The following NOX4 variants were observed in gnomAD, a reference collection of about 807,000 sequenced individuals.
NOX4 encodes kidney oxidase-1.
NOX4 carries 69 observed loss-of-function variants against 87.6 expected under a neutral mutation model. That is an observed-to-expected ratio of 0.79 (90% CI 0.65 to 0.96). The LOEUF (loss-of-function observed/expected upper bound fraction) is 0.96, where lower values mean the gene tolerates loss of function less well. NOX4 is among the 40% of genes least tolerant of loss of function. The pLI is 0.00. For synonymous variants in NOX4, 275 were observed against 238.2 expected (o/e 1.15, Z -1.42); for missense variants, 680 against 681.5 (o/e 1.00, Z 0.02).
intron 8 of NOX4, among the ~76,000 whole-genome samples, chr11:89,412,305 A>G (rs1403583691): frequency 1.3e-5 from 2 of 152,322 alleles, no homozygotes; most frequent in East Asian, 1.9e-4. Flanking sequence ...AATCTGCACT[A>G]TAGACCAAAT....
intron 12 of NOX4, among the ~76,000 whole-genome samples, chr11:89,358,489 T>A (rs1193128668): frequency 6.0e-5 from 9 of 150,690 alleles, no homozygotes; most frequent in Non-Finnish European, 1.0e-4. Flanking sequence ...TTTAAAAAAA[T>A]TTTATTTTTA....
At chr11:89,520,182 C>A in the NOX4 span, among the ~76,000 whole-genome samples, 1 of 151,674 alleles carries the variant, frequency 6.6e-6, no homozygotes, top group African/African-American at 2.4e-5. Context: ...ATGAGACATG[C>A]GCTACAGTTA....
intron 12 of NOX4, among the ~76,000 whole-genome samples, chr11:89,361,412 C>CA (rs1202025612): frequency 6.6e-6 from 1 of 151,924 alleles, no homozygotes; most frequent in Non-Finnish European, 1.5e-5. Flanking sequence ...TTTGAGGACT[C>CA]AAAGACATAA....
chr11:89,371,939 A>G (rs1939474470), intron 12 of NOX4, among the ~76,000 whole-genome samples: 1 of 151,840 alleles, frequency 6.6e-6, no homozygotes, highest in African/African-American at 2.4e-5. Context: ...TTAAGTCTCC[A>G]ATTCCAAGCT....
At chr11:89,397,577 A>G (rs1307294702) in intron 11 of NOX4, among the ~76,000 whole-genome samples, 1 of 151,976 alleles carries the variant, frequency 6.6e-6, no homozygotes, top group Non-Finnish European at 1.5e-5. Context: ...GCTAGCAAGA[A>G]TAATGAAGAA....
chr11:89,465,087 C>T (rs72967134), intron 2 of NOX4, among the ~76,000 whole-genome samples: 2,999 of 152,132 alleles, frequency 0.02, 58 homozygotes, highest in East Asian at 0.09. Flanking sequence ...TTTGCTGCAC[C>T]CATGAACCCA....
At chr11:89,453,493 C>A (rs1165934634) in intron 2 of NOX4, among the ~76,000 whole-genome samples, 2 of 152,140 alleles carry the variant, frequency 1.3e-5, no homozygotes, top group Admixed American at 6.6e-5. Flanking sequence ...TAACTTAAAG[C>A]ATTATCTTCA....
chr11:89,569,447 T>C, the NOX4 span, among the ~76,000 whole-genome samples: 1 of 151,976 alleles, frequency 6.6e-6, no homozygotes, highest in African/African-American at 2.4e-5. Flanking sequence ...CCAACAAGCA[T>C]ATGAAAAAAT....
At chr11:89,491,006 A>T in intron 1 of NOX4, 184 bp downstream of exon 1, 1 of 730,084 alleles carries the variant, frequency 1.4e-6, no homozygotes, top group Non-Finnish European at 2.5e-6. Flanking sequence ...CATTTGGGGG[A>T]CAGGCGAGGG....
At chr11:89,437,948 C>T (rs1236864928) in intron 6 of NOX4, among the ~76,000 whole-genome samples, 2 of 151,932 alleles carry the variant, frequency 1.3e-5, no homozygotes, top group East Asian at 3.9e-4. Flanking sequence ...AGTAGCGAGA[C>T]GGTATGCTCA....
chr11:89,514,416 A>G, the NOX4 span, among the ~76,000 whole-genome samples: 1 of 151,980 alleles, frequency 6.6e-6, no homozygotes, highest in Non-Finnish European at 1.5e-5. Flanking sequence ...AGGATTTTCA[A>G]TATATGTAAT....
intron 8 of NOX4, among the ~76,000 whole-genome samples, chr11:89,419,787 A>T (rs1203054336): frequency 6.6e-6 from 1 of 151,964 alleles, no homozygotes; most frequent in South Asian, 2.1e-4. Flanking sequence ...TCTCAATGTA[A>T]TCCTCCTCTT....
Position 89,422,002 on chromosome 11 carries a change from C to T in NOX4, c.549-20G>A, listed in dbSNP as rs771399055. ...GAAACTCTGCAAAAACAAATACACT[C>T]ATTTTAATGCTACTTTACATTCCAT... On this transcript the variant is annotated intron_variant, in intron 7 of 17. Transcript: ENST00000263317. 6 of 1,220,528 alleles carry T rather than the reference C, an allele frequency of 4.9e-6. No homozygotes were observed. Among genetic ancestry groups the T allele is most frequent in the Middle Eastern group, 2.0e-4 (1 of 5,072 alleles). The allele number at this position is 1,220,528 out of a possible 1,614,324, so 75.6% of individuals were successfully genotyped here. A position where few individuals can be genotyped will look rare whatever the true frequency, so the allele number is the denominator to read the frequency against.
intron 2 of NOX4, among the ~76,000 whole-genome samples, chr11:89,489,256 G>A (rs1295545083): frequency 4.6e-5 from 7 of 152,088 alleles, no homozygotes; most frequent in Admixed American, 4.6e-4. Context: ...AGGGAGAGCT[G>A]GTTCCACTGA....
At chr11:89,373,761 A>T (rs1484089201) in intron 11 of NOX4, among the ~76,000 whole-genome samples, 1 of 152,108 alleles carries the variant, frequency 6.6e-6, no homozygotes, top group Non-Finnish European at 1.5e-5. Flanking sequence ...ATTTCATTTA[A>T]CTACAAATCT....
chr11:89,568,262 T>C, the NOX4 span, among the ~76,000 whole-genome samples: 1 of 151,948 alleles, frequency 6.6e-6, no homozygotes, highest in African/African-American at 2.4e-5. Context: ...CTGAATGAAA[T>C]TGAGATTAAA....
Position 89,432,794 on chromosome 11 carries a change from A to C in NOX4, c.538T>G (p.Tyr180Asp), listed in dbSNP as rs1943874598. The C allele has an allele frequency of 1.2e-6, 2 of 1,608,332 alleles. No individual in the cohort carries two copies. Among genetic ancestry groups the C allele is most frequent in the East Asian group, 4.5e-5 (2 of 44,624 alleles). Residue 180 changes from tyrosine (Y) to aspartate (D), a missense_variant, in exon 7 of 18, where the codon TAT becomes GAT. Transcript: ENST00000263317. Reference sequence around the variant, plus strand: ...GATTCTGACACTTACCTTATTGCATATGTAGAGGCTGTGATCATGAGGAAT... The same window carrying C: ...GATTCTGACACTTACCTTATTGCATCTGTAGAGGCTGTGATCATGAGGAAT... ...VLFLMITAST[Y>D]AIRVSNYDIF...
intron 5 of NOX4, among the ~76,000 whole-genome samples, chr11:89,441,326 C>A: frequency 6.6e-6 from 1 of 152,104 alleles, no homozygotes; most frequent in East Asian, 1.9e-4. Flanking sequence ...CTCTTATGCT[C>A]TAATGGTTAT....
chr11:89,472,796 G>A (rs1946005701), intron 2 of NOX4, among the ~76,000 whole-genome samples: 1 of 152,158 alleles, frequency 6.6e-6, no homozygotes. Flanking sequence ...GGCATTCAGA[G>A]TTGCATATGA....
Sources: gnomAD v4.1 joint callset for allele counts (sites outside exome capture counted in the v4.1 genomes callset) on GRCh38, gnomAD v4.1.1 for gene constraint, MANE v1.5 for transcripts, NCBI Gene and HGNC (gene_info 2026-07-23, HGNC 2026-07-21) for gene names.